MAN1A2: variants seen among roughly 807,000 people sequenced by gnomAD.
The protein encoded by MAN1A2 is mannosyl-oligosaccharide 1,2-alpha-mannosidase IB.
In MAN1A2, 26 loss-of-function variants were observed where a neutral mutation model predicts 75.7. The ratio of observed to expected loss-of-function variants is 0.34; its 90% CI spans 0.25 to 0.48. The LOEUF is 0.48. MAN1A2 is among the 20% of genes least tolerant of loss of function. MAN1A2 has a pLI of 0.99. For synonymous variants in MAN1A2, 247 were observed against 264.6 expected, an observed-to-expected ratio of 0.93 and a Z score of 0.65; for missense variants, 562 against 775.5, an observed-to-expected ratio of 0.72 and a Z score of 3.27.
chr1:117,497,088 A>G, intron 10 of MAN1A2, 106 bp downstream of exon 10: 3 of 760,542 alleles, frequency 3.9e-6, no homozygotes, highest in Non-Finnish European at 6.2e-6. Context: ...ACTTCCAAAT[A>G]GTTTACACCA....
intron 1 of MAN1A2, among the ~76,000 whole-genome samples, chr1:117,380,613 G>A (rs1010085014): frequency 1.3e-5 from 2 of 152,104 alleles, no homozygotes; most frequent in African/African-American, 2.4e-5. Context: ...AGCACCATTT[G>A]TTGAAGAGAC....
At chr1:117,392,605 A>G (rs1653761094) in intron 1 of MAN1A2, among the ~76,000 whole-genome samples, 1 of 152,130 alleles carries the variant, frequency 6.6e-6, no homozygotes, top group Non-Finnish European at 1.5e-5. Flanking sequence ...ACATTTCGTA[A>G]ATTTTACTGA....
intron 4 of MAN1A2, among the ~76,000 whole-genome samples, chr1:117,416,371 GTC>G (rs1329342531): frequency 1.3e-5 from 2 of 152,022 alleles, no homozygotes; most frequent in African/African-American, 4.8e-5. Flanking sequence ...TGCGGAAATT[GTC>G]TTAGTTCTCA....
At chr1:117,441,544 A>T (rs1326370731) in intron 5 of MAN1A2, among the ~76,000 whole-genome samples, 4 of 152,138 alleles carry the variant, frequency 2.6e-5, no homozygotes, top group Non-Finnish European at 5.9e-5. Context: ...ACGTACACAC[A>T]CTTACCTATT....
At chr1:117,513,202 G>A (rs1651601137) in intron 12 of MAN1A2, among the ~76,000 whole-genome samples, 1 of 152,056 alleles carries the variant, frequency 6.6e-6, no homozygotes, top group Non-Finnish European at 1.5e-5. Context: ...GTATTAGGGA[G>A]GAGGTAAAGG....
chr1:117,397,491 A>G (rs1653936413), intron 1 of MAN1A2, among the ~76,000 whole-genome samples: 1 of 152,142 alleles, frequency 6.6e-6, no homozygotes, highest in Non-Finnish European at 1.5e-5. Flanking sequence ...CACGAAGTTA[A>G]TAGCAATAGT....
chr1:117,455,201 A>G (rs891756040), intron 6 of MAN1A2, among the ~76,000 whole-genome samples: 3 of 152,192 alleles, frequency 2.0e-5, no homozygotes, highest in African/African-American at 7.2e-5. Context: ...TGAGACACAC[A>G]GCAATATGGG....
At chr1:117,382,707 A>C (rs1422357679) in intron 1 of MAN1A2, among the ~76,000 whole-genome samples, 2 of 152,042 alleles carry the variant, frequency 1.3e-5, no homozygotes, top group Non-Finnish European at 2.9e-5. Flanking sequence ...AGTTTTTTCC[A>C]ATTCTGTGAA....
chr1:117,424,767 T>C (rs1648310794), intron 5 of MAN1A2, among the ~76,000 whole-genome samples: 1 of 152,138 alleles, frequency 6.6e-6, no homozygotes, highest in African/African-American at 2.4e-5. Context: ...CTCAGAGAGG[T>C]GCCTTTCTTC....
Position 117,528,280 on chromosome 1 carries a change from T to C in MAN1A2, c.*5323T>C, listed in dbSNP as rs1313431288. The C allele has an allele frequency of 6.6e-6, 1 of 152,042 alleles. No individual in the cohort carries two copies. Among genetic ancestry groups the C allele is most frequent in the Non-Finnish European group, 1.5e-5 (1 of 67,972 alleles). The allele number at this position is 152,042 out of a possible 1,614,324, so 9.4% of individuals were successfully genotyped here. ...TTCTTTAAGAATTTTATCAAATATTTCACTATTTGGGGAAATTTTAGAGGA... is the reference window on the plus strand; with the variant it reads ...TTCTTTAAGAATTTTATCAAATATTCCACTATTTGGGGAAATTTTAGAGGA... On this transcript the variant is annotated 3_prime_UTR_variant, in exon 13 of 13. Transcript: ENST00000356554.
chr1:117,407,764 G>C (rs1051908796), intron 3 of MAN1A2, among the ~76,000 whole-genome samples: 1 of 152,024 alleles, frequency 6.6e-6, no homozygotes, highest in Non-Finnish European at 1.5e-5. Context: ...GATTTTACCT[G>C]AGCTTTTTTA....
At chr1:117,494,692 T>C (rs530051346) in intron 9 of MAN1A2, 8 of 152,168 alleles carry the variant, frequency 5.3e-5, no homozygotes, top group African/African-American at 1.9e-4. Context: ...ATATAAATTT[T>C]AGTAGGAGAA....
chr1:117,417,534 AATAT>A (rs551507232), intron 4 of MAN1A2, among the ~76,000 whole-genome samples: 934 of 89,206 alleles, frequency 0.01, 50 homozygotes, highest in African/African-American at 0.039. Context: ...CTTGAGTTTA[AATAT>A]ATATATATAT....
Position 117,482,162 on chromosome 1 carries a change from T to A in MAN1A2, c.1169-10985T>A, listed in dbSNP as rs12075562. On this transcript the variant is annotated intron_variant, in intron 8 of 12. Transcript: ENST00000356554. ...GTGACATGTTGGTTTGCTGTACCCA[T>A]CAACTCATCATTTACAACTCACCGT... 3.8e-3 allele frequency among the ~76,000 whole-genome samples: 583 copies of A among 151,886 alleles called. 7 individuals are homozygous for A. The highest frequency in any genetic ancestry group is 0.013 in the African/African-American group (554 of 41,496).
intron 5 of MAN1A2, among the ~76,000 whole-genome samples, chr1:117,431,487 C>CA (rs907244328): frequency 7.9e-5 from 12 of 151,884 alleles, no homozygotes; most frequent in African/African-American, 2.4e-4. Context: ...TGTAGAAGTC[C>CA]CGAATGACAG....
At chr1:117,464,056 A>G (rs1649909562) in intron 7 of MAN1A2, among the ~76,000 whole-genome samples, 1 of 152,130 alleles carries the variant, frequency 6.6e-6, no homozygotes, top group Admixed American at 6.6e-5. Context: ...ATAGGAATTA[A>G]CCTAAAAGCT....
chr1:117,489,075 TTA>T (rs546415985), intron 8 of MAN1A2, among the ~76,000 whole-genome samples: 31 of 152,192 alleles, frequency 2.0e-4, no homozygotes, highest in African/African-American at 7.2e-4. Context: ...CAGTGTTGGA[TTA>T]TAGATTCACC....
At chr1:117,460,104 G>A (rs1290819630) in intron 6 of MAN1A2, among the ~76,000 whole-genome samples, 1 of 151,084 alleles carries the variant, frequency 6.6e-6, no homozygotes, top group Non-Finnish European at 1.5e-5. Flanking sequence ...TTTATGAACT[G>A]ATATGGAAAG....
chr1:117,397,969 G>C (rs957998250), intron 1 of MAN1A2, among the ~76,000 whole-genome samples: 1 of 151,946 alleles, frequency 6.6e-6, no homozygotes, highest in African/African-American at 2.4e-5. Flanking sequence ...TCTTTTGACT[G>C]TTTGTAGCCT....
Sources: allele counts gnomAD v4.1 joint callset (sites outside exome capture counted in the v4.1 genomes callset), GRCh38; gene constraint gnomAD v4.1.1; transcripts MANE v1.5; gene names NCBI Gene and HGNC (gene_info 2026-07-23, HGNC 2026-07-21).